The following NBR1 variants were observed in gnomAD, a reference collection of about 807,000 sequenced individuals.
NBR1 encodes the protein NBR1 autophagy cargo receptor.
In NBR1, 59 loss-of-function variants were observed where a neutral mutation model predicts 115.5. The ratio of observed to expected loss-of-function variants is 0.51; its 90% CI spans 0.41 to 0.63. The LOEUF (loss-of-function observed/expected upper bound fraction) is 0.63, where lower values mean the gene tolerates loss of function less well. Among genes scored for constraint, NBR1 ranks in the 30% least tolerant of loss-of-function variants. The pLI, the probability that NBR1 is intolerant of heterozygous loss-of-function variation, is 0.00. For synonymous variants in NBR1, 373 were observed against 414.7 expected (o/e 0.90, Z 1.22); for missense variants, 1,043 against 1,150.5 (o/e 0.91, Z 1.35).
In NBR1 at chr17:43,190,657, T is replaced by C; in HGVS notation, c.744T>C (p.Tyr248=). 1.9e-6 allele frequency: 3 copies of C among 1,611,342 alleles called. No individual in the cohort carries two copies. The highest frequency in any genetic ancestry group is 2.2e-5 in the South Asian group (2 of 90,514). The change falls in exon 9 of 21, where the codon TAT becomes TAC. Residue 248 remains tyrosine (Y), a synonymous_variant. Coordinates refer to ENST00000590996, the MANE Select transcript of NBR1 (RefSeq NM_005899.5). ...GTGAAGATTGTGAAGCAGGGCCATATGGCCATGACACTAACCACGTCCTGC... is the reference window on the plus strand; with the variant it reads ...GTGAAGATTGTGAAGCAGGGCCATACGGCCATGACACTAACCACGTCCTGC... The part of the protein sequence containing the change: ...NICEDCEAGP[Y]GHDTNHVLLK...
chr17:43,195,103 G>C (rs765285787), intron 14 of NBR1, 64 bp downstream of exon 14: 59 of 1,241,078 alleles, frequency 4.8e-5, no homozygotes, highest in Non-Finnish European at 6.9e-5. Context: ...CCACAGCCTA[G>C]ACACTGGTAG....
At position 43,210,096 on chromosome 17, in the gene NBR1, A is replaced by C. The variant is rs763688003; in HGVS notation, c.*22A>C. ...TTGAGGAGTGACCTTGTATTAAATA[A>C]CTGCCTGCTGCTCAGAGATGATCTT... On this transcript the variant is annotated 3_prime_UTR_variant, in exon 21 of 21. Coordinates refer to ENST00000590996, the MANE Select transcript of NBR1 (RefSeq NM_005899.5). The C allele has an allele frequency of 1.3e-6, 2 of 1,596,384 alleles. No individual in the cohort carries two copies.
chr17:43,171,186 A>T (rs763975938), upstream of NBR1: 2 of 152,706 alleles, frequency 1.3e-5, no homozygotes, highest in South Asian at 2.1e-4. Flanking sequence ...GAAACAGGGG[A>T]CTAGTTACTG....
chr17:43,180,174 G>A (rs1263938815), intron 4 of NBR1, among the ~76,000 whole-genome samples: 4 of 152,046 alleles, frequency 2.6e-5, no homozygotes, highest in Non-Finnish European at 5.9e-5. Context: ...GTAATGCATC[G>A]CTTAATGACA....
At chr17:43,182,956 G>A (rs1597974645) in intron 5 of NBR1, among the ~76,000 whole-genome samples, 1 of 151,500 alleles carries the variant, frequency 6.6e-6, no homozygotes, top group East Asian at 1.9e-4. Flanking sequence ...TAGAGACGGC[G>A]TTTCACCATG....
At chr17:43,201,341 A>G (rs2057193466) in intron 17 of NBR1, among the ~76,000 whole-genome samples, 1 of 152,226 alleles carries the variant, frequency 6.6e-6, no homozygotes, top group South Asian at 2.1e-4. Context: ...TGGTGAATCT[A>G]TCTGAATCAT....
intron 1 of NBR1, among the ~76,000 whole-genome samples, chr17:43,171,608 T>G (rs953029116): frequency 6.6e-6 from 1 of 152,164 alleles, no homozygotes; most frequent in African/African-American, 2.4e-5. Context: ...GTAGTGACAC[T>G]GTCTTGGGAA....
At chr17:43,174,105 T>C (rs1435566599) in intron 1 of NBR1, among the ~76,000 whole-genome samples, 1 of 152,108 alleles carries the variant, frequency 6.6e-6, no homozygotes, top group South Asian at 2.1e-4. Context: ...CTTTTAGAGG[T>C]ACATACTCAA....
rs141219547 is a variant in NBR1 at position 43,175,575 on chromosome 17, G to A, written c.-9-216G>A. ...CTTAAGTACAAGTCTTTATGGCATG[G>A]TTTTAGCCTATCTTTCTTTCCTGAA... On this transcript the variant is annotated intron_variant, in intron 1 of 20. Transcript: ENST00000590996. Among the ~76,000 whole-genome samples the A allele has an allele frequency of 3.3e-5, 5 of 152,248 alleles. No homozygotes were observed. The East Asian group carries it at 7.7e-4, about 23-fold the overall frequency.
chr17:43,210,576 T>C lies in NBR1; in HGVS notation c.*502T>C, dbSNP rs1035141256. On this transcript the variant is annotated 3_prime_UTR_variant, in exon 21 of 21. Coordinates refer to ENST00000590996, the MANE Select transcript of NBR1 (RefSeq NM_005899.5). ...CATTGAAATAACACCCAGAGCATGA[T>C]AGAAATGTTGTTACTCTTCCTCTCT... is the stretch of plus-strand genomic sequence containing the variant. 5.0e-6 allele frequency: 2 copies of C among 398,396 alleles called. No individual in the cohort carries two copies. Among genetic ancestry groups the C allele is most frequent in the African/African-American group, 2.1e-5 (1 of 48,614 alleles). The allele number at this position is 398,396 out of a possible 1,614,324, so 24.7% of individuals were successfully genotyped here.
chr17:43,201,640 A>G (rs768900978), intron 17 of NBR1, 46 bp from the exon 18 acceptor site: 47 of 1,156,794 alleles, frequency 4.1e-5, no homozygotes, highest in Middle Eastern at 1.9e-4. Flanking sequence ...CACTGTTGCC[A>G]TAAGTGCCTT....
chr17:43,171,305 A>G lies in NBR1; in HGVS notation c.-10+3A>G, dbSNP rs1184592511. 6.5e-6 allele frequency: 1 copy of G among 152,678 alleles called. No individual in the cohort carries two copies. Among genetic ancestry groups the G allele is most frequent in the Non-Finnish European group, 1.5e-5 (1 of 68,092 alleles). The allele number at this position is 152,678 out of a possible 1,614,324, so 9.5% of individuals were successfully genotyped here. ...CGCCCCCCGGGGGCGGGAAGCTGGT[A>G]AGGAAGCAGCTGCGGTTACCTAGGG... On this transcript the variant is annotated splice_donor_region_variant and intron_variant, in intron 1 of 20. Coordinates refer to ENST00000590996, the MANE Select transcript of NBR1 (RefSeq NM_005899.5).
chr17:43,170,955 G>A (rs2056339268), upstream of NBR1: 2 of 152,296 alleles, frequency 1.3e-5, no homozygotes, highest in Admixed American at 1.3e-4. Context: ...TCAGTGGCCT[G>A]CGGGGACGCA....
chr17:43,180,787 T>C lies in NBR1; in HGVS notation c.185-8T>C, dbSNP rs9904555. 1,439,661 of 1,448,836 alleles carry C rather than the reference T, an allele frequency of 0.99. 715,770 individuals are homozygous for C. Among genetic ancestry groups the C allele is most frequent in the East Asian group, 1 (37,209 of 37,210 alleles). The allele number at this position is 1,448,836 out of a possible 1,614,324, so 89.7% of individuals were successfully genotyped here. On this transcript the variant is annotated splice_region_variant and splice_polypyrimidine_tract_variant and intron_variant, in intron 4 of 20. Coordinates refer to ENST00000590996, the MANE Select transcript of NBR1 (RefSeq NM_005899.5). ...AAGTATCATGGTGTATATTTTTTGT[T>C]CTTTTAGGAGAATATGAAGAAGCGC... is the stretch of plus-strand genomic sequence containing the variant.
intron 6 of NBR1, among the ~76,000 whole-genome samples, chr17:43,188,131 C>T (rs1007928421): frequency 1.3e-5 from 2 of 151,770 alleles, no homozygotes; most frequent in Non-Finnish European, 2.9e-5. Context: ...ACCTCGTGGT[C>T]CACCCGCCTC....
chr17:43,188,933 T>C lies in NBR1; in HGVS notation c.403-109T>C. 3 of 769,666 alleles carry C rather than the reference T, an allele frequency of 3.9e-6. No individual in the cohort carries two copies. In the South Asian group the frequency reaches 5.0e-5, roughly 13 times the overall value. The allele number at this position is 769,666 out of a possible 1,614,324, so 47.7% of individuals were successfully genotyped here. A position where few individuals can be genotyped will look rare whatever the true frequency, so the allele number is the denominator to read the frequency against. Reference sequence around the variant, plus strand: ...TTCATACTGTGACTTTTTAAAAAATTATATACTTGTATGATTTCACAAAAG... The same window carrying C: ...TTCATACTGTGACTTTTTAAAAAATCATATACTTGTATGATTTCACAAAAG... On this transcript the variant is annotated intron_variant, in intron 6 of 20. Coordinates refer to ENST00000590996, the MANE Select transcript of NBR1 (RefSeq NM_005899.5).
upstream of NBR1, chr17:43,170,493 AC>A (rs2056325403): frequency 6.5e-6 from 1 of 153,754 alleles, no homozygotes; most frequent in African/African-American, 2.4e-5. Flanking sequence ...TAATTGCTGT[AC>A]CAAGGTCAGA....
chr17:43,190,582 G>A, intron 8 of NBR1, 27 bp from the exon 9 acceptor site: 8 of 1,555,416 alleles, frequency 5.1e-6, no homozygotes, highest in Non-Finnish European at 7.0e-6. Context: ...TTCTGCCATT[G>A]TGTATTGTGC....
intron 20 of NBR1, among the ~76,000 whole-genome samples, 152 bp downstream of exon 20, chr17:43,203,938 CTT>C (rs35909706): frequency 5.1e-4 from 71 of 139,816 alleles, no homozygotes; most frequent in East Asian, 8.4e-4. Context: ...AACTCTGCCA[CTT>C]TTTTTTTTTT....
Sources: allele counts gnomAD v4.1 joint callset (sites outside exome capture counted in the v4.1 genomes callset), GRCh38; gene constraint gnomAD v4.1.1; transcripts MANE v1.5; gene names NCBI Gene and HGNC (gene_info 2026-07-23, HGNC 2026-07-21).